Variants in CRPPA observed in about 807,000 individuals in gnomAD.
CRPPA encodes CDP-L-ribitol pyrophosphorylase A, also known as D-ribitol-5-phosphate cytidylyltransferase.
In CRPPA, 43 loss-of-function variants were observed where a neutral mutation model predicts 52.0. The observed-to-expected ratio is 0.83, with a 90% CI of 0.65 to 1.07. The LOEUF (loss-of-function observed/expected upper bound fraction) is 1.07, where lower values mean the gene tolerates loss of function less well. Among genes scored for constraint, CRPPA ranks in the 50% least tolerant of loss-of-function variants. The probability of loss-of-function intolerance (pLI) is 0.00; values close to 1 mark genes in which losing one functional copy is unlikely to be tolerated. For synonymous variants in CRPPA, 250 were observed against 203.5 expected, an observed-to-expected ratio of 1.23 and a Z score of -1.94; for missense variants, 629 against 551.7, an observed-to-expected ratio of 1.14 and a Z score of -1.40.
At chr7:16,152,440 T>A (rs1164840709) in intron 9 of CRPPA, among the ~76,000 whole-genome samples, 1 of 151,938 alleles carries the variant, frequency 6.6e-6, no homozygotes, top group Non-Finnish European at 1.5e-5. Flanking sequence ...TATAAAAATG[T>A]TATATTGGGA....
At chr7:16,159,416 C>T (rs570835945) in intron 9 of CRPPA, among the ~76,000 whole-genome samples, 44 of 152,242 alleles carry the variant, frequency 2.9e-4, no homozygotes, top group African/African-American at 1.0e-3. Context: ...TCTCATTGTT[C>T]AACTCCCACT....
At chr7:16,313,936 G>A (rs1212412002) in intron 3 of CRPPA, among the ~76,000 whole-genome samples, 2 of 151,900 alleles carry the variant, frequency 1.3e-5, no homozygotes, top group East Asian at 3.9e-4. Flanking sequence ...GGTCTATCTT[G>A]TTGAATGTTC....
At chr7:16,265,107 G>A (rs1012268810) in intron 6 of CRPPA, among the ~76,000 whole-genome samples, 2 of 152,188 alleles carry the variant, frequency 1.3e-5, no homozygotes, top group Admixed American at 1.3e-4. Flanking sequence ...TGGTAGAGTT[G>A]TAAGCTAATA....
At chr7:16,183,241 A>G (rs1382295899) in intron 9 of CRPPA, among the ~76,000 whole-genome samples, 1 of 152,218 alleles carries the variant, frequency 6.6e-6, no homozygotes. Flanking sequence ...AGTCCGTAAC[A>G]TGCTCATAGT....
chr7:16,398,518 T>A (rs901127763), intron 2 of CRPPA, among the ~76,000 whole-genome samples: 2 of 151,876 alleles, frequency 1.3e-5, no homozygotes, highest in Admixed American at 1.3e-4. Context: ...TTGGCATAGG[T>A]CCAAAATGTG....
chr7:16,361,129 A>G (rs1373284505), intron 3 of CRPPA, among the ~76,000 whole-genome samples: 1 of 152,250 alleles, frequency 6.6e-6, no homozygotes, highest in East Asian at 1.9e-4. Flanking sequence ...ATCACTAATC[A>G]TTAGAGAAAT....
chr7:16,349,301 G>A (rs1300064792), intron 3 of CRPPA, among the ~76,000 whole-genome samples: 1 of 152,008 alleles, frequency 6.6e-6, no homozygotes, highest in East Asian at 1.9e-4. Flanking sequence ...TAAAATCCTT[G>A]GTCAGATGAA....
chr7:16,324,364 G>C (rs1375557144), intron 3 of CRPPA, among the ~76,000 whole-genome samples: 1 of 152,200 alleles, frequency 6.6e-6, no homozygotes, highest in East Asian at 1.9e-4. Flanking sequence ...AAGAAGTTGA[G>C]ATCATTTCAT....
At chr7:16,302,165 G>A (rs967991978) in intron 4 of CRPPA, among the ~76,000 whole-genome samples, 88 of 151,848 alleles carry the variant, frequency 5.8e-4, no homozygotes, top group Non-Finnish European at 1.8e-4. Flanking sequence ...GCGCGGTGGC[G>A]GGCGCCTGTA....
chr7:16,324,217 C>T (rs533439504), intron 3 of CRPPA, among the ~76,000 whole-genome samples: 33 of 152,222 alleles, frequency 2.2e-4, no homozygotes, highest in Non-Finnish European at 4.1e-4. Flanking sequence ...CCCTCCCTCA[C>T]TGGCTGAGAG....
chr7:16,334,658 G>C (rs1465785274), intron 3 of CRPPA, among the ~76,000 whole-genome samples: 1 of 152,030 alleles, frequency 6.6e-6, no homozygotes, highest in Admixed American at 6.5e-5. Context: ...CAGAACTCAG[G>C]TGACAGCCTC....
chr7:16,112,839 A>G (rs1782294639), intron 9 of CRPPA, among the ~76,000 whole-genome samples: 2 of 152,144 alleles, frequency 1.3e-5, no homozygotes, highest in African/African-American at 4.8e-5. Flanking sequence ...ACCTGATGCC[A>G]GACTCTAAGC....
intron 5 of CRPPA, among the ~76,000 whole-genome samples, chr7:16,290,719 G>A (rs576967928): frequency 6.6e-6 from 1 of 152,012 alleles, no homozygotes; most frequent in Non-Finnish European, 1.5e-5. Context: ...AAATGCTTCA[G>A]GACATTGGTG....
At chr7:16,194,986 G>A (rs956366875) in intron 9 of CRPPA, among the ~76,000 whole-genome samples, 1 of 151,856 alleles carries the variant, frequency 6.6e-6, no homozygotes, top group Non-Finnish European at 1.5e-5. Context: ...CATTCTGATA[G>A]GTTCCTGCAA....
At chr7:16,207,118 C>T (rs1046829998) in intron 9 of CRPPA, among the ~76,000 whole-genome samples, 1 of 152,078 alleles carries the variant, frequency 6.6e-6, no homozygotes, top group African/African-American at 2.4e-5. Context: ...AAACACATGA[C>T]CTTATTTTGC....
intron 2 of CRPPA, among the ~76,000 whole-genome samples, chr7:16,402,985 A>G (rs2128317841): frequency 6.6e-6 from 1 of 152,304 alleles, no homozygotes; most frequent in East Asian, 1.9e-4. Context: ...CATCACAGAG[A>G]CTAAACAACA....
chr7:16,335,798 G>A (rs6461240), intron 3 of CRPPA, among the ~76,000 whole-genome samples: 138,955 of 152,206 alleles, frequency 0.91, 63,587 homozygotes, highest in Non-Finnish European at 0.95. Flanking sequence ...GTCAAACCCA[G>A]AGAGGGATTT....
rs1423218295 is a variant in CRPPA at position 16,279,011 on chromosome 7, T to G, written c.836-785A>C. Among the ~76,000 whole-genome samples the G allele has an allele frequency of 2.6e-5, 4 of 152,344 alleles. No individual in the cohort carries two copies. In the East Asian group the frequency reaches 7.7e-4, roughly 29 times the overall value. ...TCTTAATCCACATCTTTCTGTCTTA[T>G]AATTAACAGCGGTTCTTCAAAGTTT... On this transcript the variant is annotated intron_variant, in intron 5 of 9. Coordinates refer to ENST00000407010, the MANE Select transcript of CRPPA (RefSeq NM_001101426.4).
At chr7:16,165,831 T>C (rs1331909366) in intron 9 of CRPPA, among the ~76,000 whole-genome samples, 1 of 152,224 alleles carries the variant, frequency 6.6e-6, no homozygotes, top group Admixed American at 6.5e-5. Context: ...CAGATGCACT[T>C]CTACAGAGAT....
Sources: gnomAD v4.1 joint callset for allele counts (sites outside exome capture counted in the v4.1 genomes callset) on GRCh38, gnomAD v4.1.1 for gene constraint, MANE v1.5 for transcripts, NCBI Gene and HGNC (gene_info 2026-07-23, HGNC 2026-07-21) for gene names.